MGAT5: variants seen among roughly 807,000 people sequenced by gnomAD.
The protein encoded by MGAT5 is alpha-1,6-mannosylglycoprotein 6-beta-N-acetylglucosaminyltransferase A.
MGAT5 carries 30 observed loss-of-function variants against 94.3 expected under a neutral mutation model. The ratio of observed to expected loss-of-function variants is 0.32; its 90% CI spans 0.24 to 0.43. The LOEUF is 0.43. Among genes scored for constraint, MGAT5 ranks in the 20% least tolerant of loss-of-function variants. MGAT5 has a pLI of 1.00. For synonymous variants in MGAT5, 310 were observed against 322.9 expected (o/e 0.96, Z 0.43); for missense variants, 691 against 905.5 (o/e 0.76, Z 3.04).
chr2:134,420,632 G>A (rs1684242584), intron 12 of MGAT5, among the ~76,000 whole-genome samples: 1 of 123,576 alleles, frequency 8.1e-6, no homozygotes. Flanking sequence ...GAGGAAAAGA[G>A]GAGAGCCAGC....
chr2:134,414,943 C>T (rs1313485980), intron 12 of MGAT5, among the ~76,000 whole-genome samples: 3 of 152,150 alleles, frequency 2.0e-5, no homozygotes, highest in Non-Finnish European at 4.4e-5. Context: ...TCCATGTTGC[C>T]GCCAGTGATG....
Position 134,165,774 on chromosome 2 carries a change from CA to C in MGAT5, c.-143+45495del, listed in dbSNP as rs79200774. Among the ~76,000 whole-genome samples the C allele has an allele frequency of 8.5e-3, 1,187 of 139,718 alleles. 11 individuals carry two copies. Among genetic ancestry groups the C allele is most frequent in the African/African-American group, 0.028 (1,066 of 38,014 alleles). The allele number at this position is 139,718 out of a possible 152,430, so 91.7% of individuals were successfully genotyped here. A position where few individuals can be genotyped will look rare whatever the true frequency, so the allele number is the denominator to read the frequency against. ...TGGGCGACAGAGCGAAACTCTGTCT[CA>C]AAAAAAAAAAATTCTAGGGAGCCAG... On this transcript the variant is annotated intron_variant, in intron 1 of 16. Transcript: ENST00000409645.
At chr2:134,241,443 GCT>G (rs1227595666) in intron 1 of MGAT5, among the ~76,000 whole-genome samples, 2 of 152,182 alleles carry the variant, frequency 1.3e-5, no homozygotes, top group Non-Finnish European at 2.9e-5. Context: ...TAAGTAGATT[GCT>G]CTCTGTTTTG....
At chr2:134,128,341 G>A (rs1365902313) in intron 1 of MGAT5, among the ~76,000 whole-genome samples, 3 of 152,184 alleles carry the variant, frequency 2.0e-5, no homozygotes, top group African/African-American at 7.2e-5. Context: ...GTTAAAGGAA[G>A]TCTGCAGAAA....
At chr2:134,408,617 C>T (rs918359325) in intron 11 of MGAT5, among the ~76,000 whole-genome samples, 1 of 152,160 alleles carries the variant, frequency 6.6e-6, no homozygotes, top group East Asian at 1.9e-4. Flanking sequence ...AGAGAGTCTT[C>T]AGGTCACATG....
intron 10 of MGAT5, among the ~76,000 whole-genome samples, chr2:134,383,065 A>G (rs1441310790): frequency 1.3e-5 from 2 of 152,356 alleles, no homozygotes; most frequent in Admixed American, 6.5e-5. Flanking sequence ...TACCAGTAAA[A>G]TAATGGGGAA....
chr2:134,121,084 G>A (rs1411291813), intron 1 of MGAT5, among the ~76,000 whole-genome samples: 1 of 152,178 alleles, frequency 6.6e-6, no homozygotes, highest in East Asian at 1.9e-4. Context: ...AGCTCGCAAA[G>A]TTGGGGGCGG....
In MGAT5 at chr2:134,254,519, A is replaced by T. The variant is rs1393331983; in HGVS notation, c.116A>T (p.Gln39Leu). The T allele has an allele frequency of 6.2e-7, 1 of 1,614,224 alleles. No homozygotes were observed. The highest frequency in any genetic ancestry group is 2.2e-5 in the East Asian group (1 of 44,882). Residue 39 changes from glutamine (Q) to leucine (L), a missense_variant, in exon 1 of 16, where the codon CAG becomes CTG. Around this residue, in one of 4 missense-constraint regions of MGAT5, gnomAD observed 307 missense variants for 335.4 expected, o/e 0.92. Coordinates refer to ENST00000281923, the MANE Select transcript of MGAT5 (RefSeq NM_002410.5). ...LLHFTIQQRTQPESSSMLREQ... is the reference protein window; with the variant it reads ...LLHFTIQQRTLPESSSMLREQ... ...CACTTTACCATCCAGCAGCGAACTC[A>T]GCCTGAAAGCAGCTCCATGCTGCGC...
chr2:134,396,811 C>A (rs967681392), intron 10 of MGAT5, among the ~76,000 whole-genome samples: 3 of 152,238 alleles, frequency 2.0e-5, no homozygotes, highest in African/African-American at 7.2e-5. Context: ...ACAGTTCCAG[C>A]CATCTGGGAA....
At chr2:134,349,996 A>G (rs1679266454) in intron 9 of MGAT5, 58 bp downstream of exon 9, 11 of 1,590,574 alleles carry the variant, frequency 6.9e-6, no homozygotes, top group African/African-American at 1.3e-5. Flanking sequence ...AGATGGGAAA[A>G]TTAGCCGCCA....
At chr2:134,368,928 A>G (rs1680606257) in intron 10 of MGAT5, among the ~76,000 whole-genome samples, 2 of 152,054 alleles carry the variant, frequency 1.3e-5, no homozygotes, top group African/African-American at 4.8e-5. Flanking sequence ...ACCCTGTTCC[A>G]CACTTGTGCC....
intron 2 of MGAT5, among the ~76,000 whole-genome samples, chr2:134,312,719 A>G (rs561882818): frequency 3.1e-4 from 47 of 152,228 alleles, no homozygotes; most frequent in African/African-American, 1.0e-3. Context: ...GAGTCTTACA[A>G]GGATGCAGTG....
chr2:134,271,217 AC>A (rs72076875), intron 2 of MGAT5, among the ~76,000 whole-genome samples: 19,703 of 149,994 alleles, frequency 0.13, 1,704 homozygotes, highest in African/African-American at 0.23. Flanking sequence ...TCACATTAGA[AC>A]CCCCCCATCC....
chr2:134,382,282 G>A (rs1055490865), intron 10 of MGAT5, among the ~76,000 whole-genome samples: 3 of 151,896 alleles, frequency 2.0e-5, no homozygotes, highest in Admixed American at 6.6e-5. Flanking sequence ...TAGTGCCCAG[G>A]CCCAGCTCCA....
intron 1 of MGAT5, among the ~76,000 whole-genome samples, chr2:134,168,067 C>T (rs1362116727): frequency 1.3e-5 from 2 of 152,174 alleles, no homozygotes; most frequent in African/African-American, 4.8e-5. Flanking sequence ...TTCCAGGCTT[C>T]GCAGTGGTTC....
At chr2:134,313,590 A>AT (rs1686827670) in intron 2 of MGAT5, among the ~76,000 whole-genome samples, 1 of 152,010 alleles carries the variant, frequency 6.6e-6, no homozygotes, top group African/African-American at 2.4e-5. Flanking sequence ...TAAAATTTTT[A>AT]TTTTCCCTTG....
intron 10 of MGAT5, 71 bp from the exon 11 acceptor site, chr2:134,402,917 T>A (rs1479297482): frequency 1.4e-6 from 2 of 1,446,560 alleles, no homozygotes; most frequent in African/African-American, 1.4e-5. Context: ...TTAGAAGTTC[T>A]AGTCCATGAT....
intron 1 of MGAT5, among the ~76,000 whole-genome samples, chr2:134,145,021 A>C (rs1686845672): frequency 6.6e-6 from 1 of 152,214 alleles, no homozygotes; most frequent in Non-Finnish European, 1.5e-5. Context: ...TTTGCTGAAT[A>C]CTTGTGGAAC....
At chr2:134,274,977 G>A (rs117296808) in intron 2 of MGAT5, among the ~76,000 whole-genome samples, 2 of 152,340 alleles carry the variant, frequency 1.3e-5, no homozygotes, top group East Asian at 3.9e-4. Flanking sequence ...TCCCTGCTGA[G>A]TTCCAGGGCT....
Sources: gnomAD v4.1 joint callset for allele counts (sites outside exome capture counted in the v4.1 genomes callset) on GRCh38, gnomAD v4.1.1 for gene constraint, gnomAD v4.1.1 regional missense constraint, MANE v1.5 for transcripts, NCBI Gene and HGNC (gene_info 2026-07-23, HGNC 2026-07-21) for gene names.